ALKBH1: variants seen among roughly 807,000 people sequenced by gnomAD.
The protein encoded by ALKBH1 is nucleic acid dioxygenase ALKBH1.
In ALKBH1, 31 loss-of-function variants were observed where a neutral mutation model predicts 36.6. That is an observed-to-expected ratio of 0.85 (90% CI 0.64 to 1.14). ALKBH1 has a LOEUF of 1.14. Ranked by LOEUF, ALKBH1 falls within the 50% of genes most tolerant of loss-of-function variation. The probability of loss-of-function intolerance (pLI) is 0.00; values close to 1 mark genes in which losing one functional copy is unlikely to be tolerated. For missense variants in ALKBH1, 490 were observed against 497.3 expected (o/e 0.99, Z 0.14); for synonymous variants, 183 against 186.6 (o/e 0.98, Z 0.16).
intron 3 of ALKBH1, among the ~76,000 whole-genome samples, chr14:77,692,488 T>C (rs1208132674): frequency 2.0e-5 from 3 of 152,202 alleles, no homozygotes; most frequent in Non-Finnish European, 4.4e-5. Context: ...ATCCCTTGCA[T>C]GTACAGTTCA....
At chr14:77,693,709 C>T (rs1017550316) in intron 3 of ALKBH1, among the ~76,000 whole-genome samples, 15 of 152,014 alleles carry the variant, frequency 9.9e-5, no homozygotes, top group African/African-American at 2.4e-4. Flanking sequence ...TTTTTCAGGC[C>T]GGGCTTGGTG....
At chr14:77,688,798 C>T (rs2080282545) in intron 3 of ALKBH1, among the ~76,000 whole-genome samples, 2 of 151,600 alleles carry the variant, frequency 1.3e-5, no homozygotes, top group East Asian at 2.0e-4. Context: ...TCTTGAACTC[C>T]CGACCTCAGG....
chr14:77,702,368 A>G (rs1426052181), intron 2 of ALKBH1, among the ~76,000 whole-genome samples: 1 of 152,102 alleles, frequency 6.6e-6, no homozygotes, highest in Non-Finnish European at 1.5e-5. Context: ...CTCCAAGAAC[A>G]AGACTATTGG....
intron 3 of ALKBH1, among the ~76,000 whole-genome samples, chr14:77,682,924 T>C: frequency 6.6e-6 from 1 of 152,200 alleles, no homozygotes; most frequent in Non-Finnish European, 1.5e-5. Context: ...CTTGAACTCC[T>C]GACCTCAGGT....
intron 3 of ALKBH1, among the ~76,000 whole-genome samples, chr14:77,693,099 T>C (rs967253035): frequency 7.3e-5 from 11 of 150,090 alleles, no homozygotes; most frequent in Non-Finnish European, 1.0e-4. Flanking sequence ...CCAGCTACTC[T>C]GGAGGCTGAG....
At chr14:77,702,461 T>C (rs1480424423) in intron 2 of ALKBH1, among the ~76,000 whole-genome samples, 2 of 152,062 alleles carry the variant, frequency 1.3e-5, no homozygotes, top group African/African-American at 4.8e-5. Context: ...ATTTCGGTGG[T>C]CATAACGTAT....
chr14:77,683,351 C>G (rs10483884), intron 3 of ALKBH1: 55,673 of 742,072 alleles, frequency 0.075, 2,526 homozygotes, highest in Middle Eastern at 0.13. Context: ...GATCATTTTA[C>G]TACACGTTTC....
At chr14:77,688,886 A>C (rs1394220476) in intron 3 of ALKBH1, among the ~76,000 whole-genome samples, 1 of 151,992 alleles carries the variant, frequency 6.6e-6, no homozygotes, top group Non-Finnish European at 1.5e-5. Context: ...CTAAATTCTT[A>C]ATTGTGCTTT....
chr14:77,698,964 CA>C (rs1398238796), intron 2 of ALKBH1, among the ~76,000 whole-genome samples: 9 of 152,096 alleles, frequency 5.9e-5, no homozygotes, highest in African/African-American at 2.2e-4. Context: ...GTAGAGACGG[CA>C]TTTTGCCATG....
intron 2 of ALKBH1, chr14:77,696,983 A>C (rs1040241971): frequency 1.9e-5 from 3 of 158,170 alleles, no homozygotes; most frequent in African/African-American, 7.2e-5. Flanking sequence ...CAATGCCCTG[A>C]CTGAGACAAT....
rs555700005 is a variant in ALKBH1 at position 77,673,660 on chromosome 14, C to T, written c.*152G>A. On this transcript the variant is annotated 3_prime_UTR_variant, in exon 6 of 6. Transcript: ENST00000216489. ...AGCAAAGTGGCTGAGTTTACTTCTG[C>T]GTGGGTTCCAAGGCAACAGTGTGAT... is the stretch of plus-strand genomic sequence containing the variant. 9 of 754,954 alleles carry T rather than the reference C, an allele frequency of 1.2e-5. No individual in the cohort carries two copies. The highest frequency in any genetic ancestry group is 5.4e-5 in the South Asian group (3 of 55,112). 46.8% of individuals were successfully genotyped at this position (754,954 alleles called of 1,614,324 possible). A position where few individuals can be genotyped will look rare whatever the true frequency, so the allele number is the denominator to read the frequency against.
rs1232138770 is a variant in ALKBH1, at chr14:77,693,996, AAAAC to A, written c.455+738_455+741del. 4.6e-5 allele frequency among the ~76,000 whole-genome samples: 7 copies of A among 152,316 alleles called. No individual in the cohort carries two copies. In the East Asian group the frequency reaches 7.7e-4, roughly 17 times the overall value. On this transcript the variant is annotated intron_variant, in intron 3 of 5. Transcript: ENST00000216489. ...AGTGAGACTCTGTCTCAAAAAACAAAAAACAAACAAACAAAAAATCATTTTTTCT... is the reference window on the plus strand; with the variant it reads ...AGTGAGACTCTGTCTCAAAAAACAAAAAACAAACAAAAAATCATTTTTTCT...
rs2080202609 is a variant in ALKBH1, at chr14:77,675,852, T to C, written c.547-3A>G. 6.2e-7 allele frequency: 1 copy of C among 1,609,848 alleles called. No individual in the cohort carries two copies. Among genetic ancestry groups the C allele is most frequent in the East Asian group, 2.2e-5 (1 of 44,840 alleles). The stretch of plus-strand genomic sequence containing the variant: ...GTGTAATGATCTGCTGAGTATTTCT[T>C]TGGTAAATGTAGAGAGAATAAGAAA... On this transcript the variant is annotated splice_polypyrimidine_tract_variant and splice_region_variant and intron_variant, in intron 4 of 5. Transcript: ENST00000216489.
chr14:77,704,454 C>T lies in ALKBH1; in HGVS notation c.207G>A (p.Val69=). 6.2e-7 allele frequency: 1 copy of T among 1,614,102 alleles called. No individual in the cohort carries two copies. Among genetic ancestry groups the T allele is most frequent in the Non-Finnish European group, 8.5e-7 (1 of 1,179,982 alleles). Residue 69 remains valine, a synonymous_variant, in exon 2 of 6, where the codon GTG becomes GTA. Coordinates refer to ENST00000216489, the MANE Select transcript of ALKBH1 (RefSeq NM_006020.3). ...AQKVIKSQLN[V]SSVSEQNAYR... ...ATGCATTCTGCTCACTGACAGAAGA[C>T]ACATTTAGCTGAGATTTGATCACCT... is the stretch of plus-strand genomic sequence containing the variant.
intron 4 of ALKBH1, among the ~76,000 whole-genome samples, chr14:77,679,475 G>C (rs139360601): frequency 1.3e-5 from 2 of 151,062 alleles, no homozygotes; most frequent in South Asian, 4.2e-4. Context: ...CTGTCACCCA[G>C]GCTGGAGTGC....
rs1335265376 is a variant in ALKBH1 at position 77,673,676 on chromosome 14, AC to A, written c.*135del. 1.1e-6 allele frequency: 1 copy of A among 913,848 alleles called. No homozygotes were observed. The highest frequency in any genetic ancestry group is 1.7e-5 in the African/African-American group (1 of 60,258). The allele number at this position is 913,848 out of a possible 1,614,324, so 56.6% of individuals were successfully genotyped here. A position where few individuals can be genotyped will look rare whatever the true frequency, so the allele number is the denominator to read the frequency against. On this transcript the variant is annotated 3_prime_UTR_variant, in exon 6 of 6. Transcript: ENST00000216489. ...TTACTTCTGCGTGGGTTCCAAGGCA[AC>A]AGTGTGATCAACAATGAGTTCTTCC...
rs181425137 is a variant in ALKBH1 at position 77,698,963 on chromosome 14, G to A, written c.293-4063C>T. 3.3e-5 allele frequency among the ~76,000 whole-genome samples: 5 copies of A among 152,254 alleles called. No homozygotes were observed. In the East Asian group the frequency reaches 7.7e-4, roughly 23 times the overall value. ...CTATTTTTATTTTTTAGTAGAGACG[G>A]CATTTTGCCATGTTGGCCAGGCTGG... On this transcript the variant is annotated intron_variant, in intron 2 of 5. Transcript: ENST00000216489.
intron 1 of ALKBH1, among the ~76,000 whole-genome samples, chr14:77,705,163 C>T (rs950984105): frequency 6.6e-6 from 1 of 152,052 alleles, no homozygotes; most frequent in Non-Finnish European, 1.5e-5. Flanking sequence ...GCCTGTAATC[C>T]CAGCACTTTG....
intron 3 of ALKBH1, among the ~76,000 whole-genome samples, chr14:77,685,470 C>A (rs1161058312): frequency 6.8e-6 from 1 of 146,554 alleles, no homozygotes; most frequent in Non-Finnish European, 1.5e-5. Flanking sequence ...AGGACTCTAA[C>A]TGTATGATTA....
Sources: allele counts gnomAD v4.1 joint callset (sites outside exome capture counted in the v4.1 genomes callset), GRCh38; gene constraint gnomAD v4.1.1; transcripts MANE v1.5; gene names NCBI Gene and HGNC (gene_info 2026-07-23, HGNC 2026-07-21).